NUP155: variants seen among roughly 807,000 people sequenced by gnomAD.
NUP155 encodes nuclear pore complex protein Nup155.
In NUP155, 71 loss-of-function variants were observed where a neutral mutation model predicts 180.4. The observed-to-expected ratio is 0.39, with a 90% CI of 0.33 to 0.48. The LOEUF (loss-of-function observed/expected upper bound fraction) is 0.48, where lower values mean the gene tolerates loss of function less well. Among genes scored for constraint, NUP155 ranks in the 20% least tolerant of loss-of-function variants. NUP155 has a pLI of 0.91. For synonymous variants in NUP155, 582 were observed against 559.5 expected (o/e 1.04, Z -0.57); for missense variants, 1,553 against 1,648.9 (o/e 0.94, Z 1.01).
chr5:37,316,147 A>C (rs1743868429), intron 21 of NUP155, among the ~76,000 whole-genome samples: 1 of 152,198 alleles, frequency 6.6e-6, no homozygotes, highest in Admixed American at 6.5e-5. Context: ...TAGCCAAAAA[A>C]CGGAAGTAAC....
chr5:37,311,374 G>T (rs1478682590), intron 22 of NUP155, among the ~76,000 whole-genome samples: 1 of 151,814 alleles, frequency 6.6e-6, no homozygotes, highest in Non-Finnish European at 1.5e-5. Flanking sequence ...ACATACCCAG[G>T]ATAAAAACCT....
chr5:37,364,216 T>C, intron 2 of NUP155, 31 bp downstream of exon 2: 1 of 1,541,750 alleles, frequency 6.5e-7, no homozygotes, highest in Non-Finnish European at 8.9e-7. Context: ...AATTTTAACA[T>C]TTTTAAAATA....
rs1463790750 is a variant in NUP155, at chr5:37,291,052, C to G, written c.*848G>C. On this transcript the variant is annotated 3_prime_UTR_variant, in exon 35 of 35. Coordinates refer to ENST00000231498, the MANE Select transcript of NUP155 (RefSeq NM_153485.3). ...ACACAACATTAGTTACAAGTTTTAT[C>G]ACCTGCTCAACCAGGTATATAGCTA... is the stretch of plus-strand genomic sequence containing the variant. The G allele has an allele frequency of 6.6e-6, 1 of 152,216 alleles. No homozygotes were observed. 9.4% of individuals were successfully genotyped at this position (152,216 alleles called of 1,614,324 possible). A position where few individuals can be genotyped will look rare whatever the true frequency, so the allele number is the denominator to read the frequency against.
intron 1 of NUP155, among the ~76,000 whole-genome samples, chr5:37,369,782 G>T (rs1747843534): frequency 6.6e-6 from 1 of 152,078 alleles, no homozygotes; most frequent in Admixed American, 6.6e-5. Flanking sequence ...GATTACTTTG[G>T]TTCTTGCTCA....
intron 11 of NUP155, among the ~76,000 whole-genome samples, chr5:37,338,464 T>A (rs1561796188): frequency 6.7e-6 from 1 of 149,282 alleles, no homozygotes; most frequent in East Asian, 2.0e-4. Flanking sequence ...TGGAGTGCAG[T>A]GGCGCGATCT....
At chr5:37,329,861 ACT>A (rs1485077250) in intron 15 of NUP155, among the ~76,000 whole-genome samples, 175 bp downstream of exon 15, 1 of 152,228 alleles carries the variant, frequency 6.6e-6, no homozygotes, top group African/African-American at 2.4e-5. Context: ...ATGCTAATTT[ACT>A]TGCTTCTATT....
intron 18 of NUP155, among the ~76,000 whole-genome samples, chr5:37,326,336 T>C (rs754834840): frequency 1.3e-5 from 2 of 152,200 alleles, no homozygotes; most frequent in Admixed American, 6.5e-5. Context: ...TAAGATAACA[T>C]GATAGACTGA....
intron 11 of NUP155, 32 bp downstream of exon 11, chr5:37,341,058 A>T (rs1414108016): frequency 6.6e-7 from 1 of 1,511,586 alleles, no homozygotes; most frequent in African/African-American, 1.4e-5. Flanking sequence ...TTAAGAATAT[A>T]ATCTTAAATC....
chr5:37,370,813 T>C lies in NUP155; in HGVS notation c.157+8A>G, dbSNP rs776332170. Reference sequence around the variant, plus strand: ...TTAGGTTGAGAAAGCAGGGTCACTATCACTCACTTGGGGCAGACACCATAA... The same window carrying C: ...TTAGGTTGAGAAAGCAGGGTCACTACCACTCACTTGGGGCAGACACCATAA... On this transcript the variant is annotated splice_region_variant and intron_variant, in intron 1 of 34. Transcript: ENST00000231498. 1.2e-6 allele frequency: 2 copies of C among 1,614,118 alleles called. No individual in the cohort carries two copies. The highest frequency in any genetic ancestry group is 8.5e-7 in the Non-Finnish European group (1 of 1,180,020).
At chr5:37,334,094 C>A (rs967428529) in intron 12 of NUP155, among the ~76,000 whole-genome samples, 1 of 151,590 alleles carries the variant, frequency 6.6e-6, no homozygotes, top group Admixed American at 6.6e-5. Context: ...AGCCACCACA[C>A]CTGGCCTCTG....
In NUP155 at chr5:37,290,641, T is replaced by C. The variant is rs899635086; in HGVS notation, c.*1259A>G. On this transcript the variant is annotated 3_prime_UTR_variant, in exon 35 of 35. Transcript: ENST00000231498. ...ATTACTAACAGTTTTGCTTTATATA[T>C]TGTGTGCCTTGGGCAAAATTTGTGT... is the stretch of plus-strand genomic sequence containing the variant. 1 of 152,210 alleles carries C rather than the reference T, an allele frequency of 6.6e-6. No individual in the cohort carries two copies. Among genetic ancestry groups the C allele is most frequent in the African/African-American group, 2.4e-5 (1 of 41,452 alleles). 9.4% of individuals were successfully genotyped at this position (152,210 alleles called of 1,614,324 possible).
chr5:37,352,508 AGC>A (rs1216325934), intron 5 of NUP155, among the ~76,000 whole-genome samples: 1 of 152,192 alleles, frequency 6.6e-6, no homozygotes, highest in East Asian at 1.9e-4. Flanking sequence ...ATTGCACTGC[AGC>A]CTGGGCAACA....
intron 1 of NUP155, among the ~76,000 whole-genome samples, chr5:37,370,477 G>A (rs918823433): frequency 4.6e-5 from 7 of 152,186 alleles, no homozygotes; most frequent in African/African-American, 2.4e-5. Context: ...ACACTAACAG[G>A]AGAAATGAAC....
chr5:37,364,645 T>A (rs72736784), intron 1 of NUP155, among the ~76,000 whole-genome samples: 23 of 7,784 alleles, frequency 3.0e-3, no homozygotes, highest in African/African-American at 4.0e-3. Flanking sequence ...ATTTTATTTT[T>A]TTTTTTTTTG....
In NUP155 at chr5:37,324,982, T is replaced by A. The variant is rs189190868; in HGVS notation, c.2092-875A>T. On this transcript the variant is annotated intron_variant, in intron 19 of 34. Coordinates refer to ENST00000231498, the MANE Select transcript of NUP155 (RefSeq NM_153485.3). ...CTGGCTAACATAGTAAAACACTGTT[T>A]CTACTAAAAATACAAAAAATCAGCT... is the stretch of plus-strand genomic sequence containing the variant. Among the ~76,000 whole-genome samples, 442 of 152,258 alleles carry A rather than the reference T, an allele frequency of 2.9e-3. 1 individual carries two copies. The highest frequency in any genetic ancestry group is 9.9e-3 in the African/African-American group (412 of 41,548).
At chr5:37,323,822 T>C (rs1744405790) in intron 20 of NUP155, among the ~76,000 whole-genome samples, 170 bp downstream of exon 20, 1 of 152,060 alleles carries the variant, frequency 6.6e-6, no homozygotes, top group Non-Finnish European at 1.5e-5. Flanking sequence ...ATTGCTGTGA[T>C]GAAAATGTTC....
At chr5:37,306,005 T>G (rs1743132296) in intron 25 of NUP155, among the ~76,000 whole-genome samples, 1 of 152,208 alleles carries the variant, frequency 6.6e-6, no homozygotes, top group Non-Finnish European at 1.5e-5. Context: ...TATTTGGCAT[T>G]TAAAATAATA....
chr5:37,295,913 C>CGGGA (rs1742526208), intron 32 of NUP155, among the ~76,000 whole-genome samples: 1 of 144,992 alleles, frequency 6.9e-6, no homozygotes, highest in African/African-American at 2.6e-5. Context: ...CCGCCCCGTC[C>CGGGA]GGGAGGTGAG....
chr5:37,330,965 T>G (rs1744920449), intron 14 of NUP155, among the ~76,000 whole-genome samples: 1 of 150,930 alleles, frequency 6.6e-6, no homozygotes, highest in Non-Finnish European at 1.5e-5. Flanking sequence ...CTGGCTAACA[T>G]GATGAAACCC....
Sources: gnomAD v4.1 joint callset for allele counts (sites outside exome capture counted in the v4.1 genomes callset) on GRCh38, gnomAD v4.1.1 for gene constraint, MANE v1.5 for transcripts, NCBI Gene and HGNC (gene_info 2026-07-23, HGNC 2026-07-21) for gene names.